Variants in CACNA2D1 observed in about 807,000 individuals in gnomAD.
The protein encoded by CACNA2D1 is calcium voltage-gated channel auxiliary subunit alpha2delta 1, also known as voltage-dependent calcium channel subunit alpha-2/delta-1.
In CACNA2D1, 53 loss-of-function variants were observed where a neutral mutation model predicts 171.5. That is an observed-to-expected ratio of 0.31 (90% CI 0.25 to 0.39). The LOEUF is 0.39. Ranked by LOEUF, CACNA2D1 falls within the 10% of genes least tolerant of loss-of-function variation. The pLI, the probability that CACNA2D1 is intolerant of heterozygous loss-of-function variation, is 1.00. For synonymous variants in CACNA2D1, 442 were observed against 443.1 expected (o/e 1.00, Z 0.03); for missense variants, 903 against 1,299.8 (o/e 0.69, Z 4.69).
chr7:82,353,903 T>C (rs1213501026), intron 1 of CACNA2D1, among the ~76,000 whole-genome samples: 1 of 151,968 alleles, frequency 6.6e-6, no homozygotes, highest in Non-Finnish European at 1.5e-5. Flanking sequence ...GTACAGGAAA[T>C]GCCACCCCCA....
At chr7:82,251,024 C>T (rs897435696) in intron 3 of CACNA2D1, among the ~76,000 whole-genome samples, 1 of 152,100 alleles carries the variant, frequency 6.6e-6, no homozygotes, top group Non-Finnish European at 1.5e-5. Context: ...CTATAAGAAG[C>T]AGTCATATGA....
chr7:82,155,403 A>C (rs548928652), intron 4 of CACNA2D1, among the ~76,000 whole-genome samples: 1 of 152,262 alleles, frequency 6.6e-6, no homozygotes, highest in East Asian at 1.9e-4. Context: ...CCAAAAAAGA[A>C]ATCTGAATCC....
intron 3 of CACNA2D1, among the ~76,000 whole-genome samples, chr7:82,295,347 T>A (rs1812129803): frequency 6.6e-6 from 1 of 151,772 alleles, no homozygotes; most frequent in Admixed American, 6.6e-5. Flanking sequence ...TTGTATTTTT[T>A]TTTTTTTGAG....
At chr7:81,998,903 G>C (rs1306239583) in intron 18 of CACNA2D1, among the ~76,000 whole-genome samples, 2 of 152,014 alleles carry the variant, frequency 1.3e-5, no homozygotes, top group South Asian at 4.2e-4. Flanking sequence ...CTAACAAAAG[G>C]ATACTCTAAA....
chr7:81,976,304 A>G (rs1795833092), intron 24 of CACNA2D1, among the ~76,000 whole-genome samples: 1 of 152,170 alleles, frequency 6.6e-6, no homozygotes, highest in African/African-American at 2.4e-5. Flanking sequence ...CTTGATGGGT[A>G]TAGCATTGAA....
intron 7 of CACNA2D1, among the ~76,000 whole-genome samples, chr7:82,073,853 G>A (rs1292397781): frequency 1.3e-5 from 2 of 151,904 alleles, no homozygotes; most frequent in African/African-American, 4.8e-5. Context: ...CGCCTGCCTC[G>A]GCCTCCCAAA....
intron 7 of CACNA2D1, among the ~76,000 whole-genome samples, chr7:82,080,569 C>T (rs553221321): frequency 1.3e-5 from 2 of 152,110 alleles, no homozygotes; most frequent in African/African-American, 4.8e-5. Context: ...AAAATAAATA[C>T]CTTCTTAGCA....
At chr7:82,045,143 ATC>A (rs1301767174) in intron 10 of CACNA2D1, among the ~76,000 whole-genome samples, 1 of 152,094 alleles carries the variant, frequency 6.6e-6, no homozygotes, top group African/African-American at 2.4e-5. Context: ...TTTCTAGGTT[ATC>A]TGTTACCAAA....
chr7:82,244,968 T>G (rs1023885810), intron 3 of CACNA2D1, among the ~76,000 whole-genome samples: 1 of 152,182 alleles, frequency 6.6e-6, no homozygotes, highest in Non-Finnish European at 1.5e-5. Context: ...TTAACCATAT[T>G]CCACTGCTGC....
chr7:82,032,705 C>G, intron 12 of CACNA2D1, 92 bp downstream of exon 12: 1 of 673,062 alleles, frequency 1.5e-6, no homozygotes, highest in Non-Finnish European at 2.6e-6. Context: ...GGTTTTAAAT[C>G]AAAAATTCTC....
intron 3 of CACNA2D1, among the ~76,000 whole-genome samples, chr7:82,254,948 T>C (rs1479408215): frequency 1.3e-5 from 2 of 152,150 alleles, no homozygotes; most frequent in African/African-American, 4.8e-5. Flanking sequence ...ATCAGTACTC[T>C]TGGAGTGGAC....
At position 82,057,566 on chromosome 7, in the gene CACNA2D1, GAA is replaced by G. The variant is rs56383976; in HGVS notation, c.879+2860_879+2861del. Among the ~76,000 whole-genome samples, 104 of 149,828 alleles carry G rather than the reference GAA, an allele frequency of 6.9e-4. 1 individual carries two copies. The East Asian group carries it at 9.2e-3, about 13-fold the overall frequency. The stretch of plus-strand genomic sequence containing the variant: ...AATTCTCATGCCAGTAGACCTACAA[GAA>G]AAAAAAAAAATAAGTGATGCTACTG... On this transcript the variant is annotated intron_variant, in intron 10 of 38. Transcript: ENST00000356860.
intron 3 of CACNA2D1, among the ~76,000 whole-genome samples, chr7:82,177,015 G>A (rs535429309): frequency 2.3e-4 from 33 of 143,088 alleles, no homozygotes; most frequent in Non-Finnish European, 3.9e-4. Flanking sequence ...AGGACAGGAA[G>A]GATCCTAAAA....
rs148283249 is a variant in CACNA2D1, at chr7:81,994,916, C to G, written c.1686G>C (p.Gly562=). ...KVEIRNKMID[G]ESGEKTFRTL... ...TTCTGAATGTTTTTTCTCCACTTTC[C>G]CCATCAATCATCTTATTTCGAATCT... is the stretch of plus-strand genomic sequence containing the variant. Residue 562 remains glycine (G), a synonymous_variant, in exon 20 of 39, where the codon GGG becomes GGC. Transcript: ENST00000356860. 1.3e-4 allele frequency: 203 copies of G among 1,548,276 alleles called. No individual in the cohort carries two copies. The highest frequency in any genetic ancestry group is 1.7e-4 in the Middle Eastern group (1 of 5,934).
chr7:82,002,791 T>C (rs973570671), intron 18 of CACNA2D1, among the ~76,000 whole-genome samples: 10 of 151,896 alleles, frequency 6.6e-5, no homozygotes, highest in Non-Finnish European at 1.0e-4. Flanking sequence ...ACTGAGAAAA[T>C]GTTATGAATC....
At chr7:82,040,268 A>T (rs1487513760) in intron 10 of CACNA2D1, among the ~76,000 whole-genome samples, 1 of 152,166 alleles carries the variant, frequency 6.6e-6, no homozygotes, top group Non-Finnish European at 1.5e-5. Context: ...TGACATGGGC[A>T]TCTGGAAGGA....
intron 4 of CACNA2D1, among the ~76,000 whole-genome samples, chr7:82,144,667 A>T (rs1792777938): frequency 6.6e-6 from 1 of 152,062 alleles, no homozygotes; most frequent in Non-Finnish European, 1.5e-5. Context: ...TCTCTAATGA[A>T]CTAAAGGTCA....
At chr7:82,250,067 T>C (rs911539639) in intron 3 of CACNA2D1, among the ~76,000 whole-genome samples, 11 of 152,360 alleles carry the variant, frequency 7.2e-5, no homozygotes, top group Non-Finnish European at 1.6e-4. Flanking sequence ...AGCAAGCAAG[T>C]AAACAGAGAG....
intron 6 of CACNA2D1, among the ~76,000 whole-genome samples, chr7:82,105,843 C>G (rs952567716): frequency 1.6e-4 from 24 of 152,218 alleles, no homozygotes; most frequent in African/African-American, 5.8e-4. Flanking sequence ...ACATGAACAT[C>G]CACACATGTT....
Sources: gnomAD v4.1 joint callset for allele counts (sites outside exome capture counted in the v4.1 genomes callset) on GRCh38, gnomAD v4.1.1 for gene constraint, MANE v1.5 for transcripts, NCBI Gene and HGNC (gene_info 2026-07-23, HGNC 2026-07-21) for gene names.